Variants in SYTL3 observed in about 807,000 individuals in gnomAD.
SYTL3 encodes the protein synaptotagmin-like protein 3.
A neutral mutation model predicts 82.1 loss-of-function variants in SYTL3; 88 were observed. The ratio of observed to expected loss-of-function variants is 1.07; its 90% CI spans 0.90 to 1.28. The LOEUF is 1.28. Ranked by LOEUF, SYTL3 falls within the 50% of genes most tolerant of loss-of-function variation. The pLI, the probability that SYTL3 is intolerant of heterozygous loss-of-function variation, is 0.00. For synonymous variants in SYTL3, 311 were observed against 289.4 expected (o/e 1.07, Z -0.76); for missense variants, 831 against 757.6 (o/e 1.10, Z -1.14).
At chr6:158,752,074 C>A (rs746925037) in intron 13 of SYTL3, 44 bp downstream of exon 13, 3 of 1,440,886 alleles carry the variant, frequency 2.1e-6, no homozygotes, top group South Asian at 2.8e-5. Flanking sequence ...CTCCCGAGCC[C>A]GGGTGGAGCG....
intron 2 of SYTL3, among the ~76,000 whole-genome samples, chr6:158,652,895 G>C (rs1009111135): frequency 1.3e-5 from 2 of 152,186 alleles, no homozygotes; most frequent in African/African-American, 4.8e-5. Flanking sequence ...TGTACAACTT[G>C]TGGAGACTTT....
intron 11 of SYTL3, among the ~76,000 whole-genome samples, chr6:158,744,250 C>A (rs1250830788): frequency 6.7e-6 from 1 of 149,746 alleles, no homozygotes; most frequent in Non-Finnish European, 1.5e-5. Context: ...TTTTATCTTT[C>A]CCTTGTGGTT....
intron 12 of SYTL3, among the ~76,000 whole-genome samples, chr6:158,748,240 G>T (rs1787920759): frequency 6.6e-6 from 1 of 152,098 alleles, no homozygotes; most frequent in South Asian, 2.1e-4. Flanking sequence ...GATGGGAAAA[G>T]AAATCAATTG....
intron 9 of SYTL3, among the ~76,000 whole-genome samples, chr6:158,715,745 C>A (rs866476733): frequency 5.3e-5 from 8 of 151,676 alleles, no homozygotes; most frequent in African/African-American, 1.9e-4. Flanking sequence ...AGTGCTTCCC[C>A]TGTTTCTGCA....
chr6:158,760,798 T>G, intron 15 of SYTL3, 53 bp downstream of exon 15: 5 of 1,419,328 alleles, frequency 3.5e-6, no homozygotes, highest in Non-Finnish European at 5.0e-6. Flanking sequence ...CTGCAGAGCC[T>G]GGTGCTGCAG....
intron 5 of SYTL3, among the ~76,000 whole-genome samples, chr6:158,678,952 C>T (rs1778356096): frequency 6.6e-6 from 1 of 152,174 alleles, no homozygotes; most frequent in African/African-American, 2.4e-5. Context: ...GGAAGAAGTG[C>T]TAGATGCTTT....
chr6:158,703,812 A>ATATTATTATTATTATTATTATTAT (rs531980948), intron 6 of SYTL3, among the ~76,000 whole-genome samples: 3 of 122,642 alleles, frequency 2.4e-5, no homozygotes, highest in East Asian at 2.3e-4. Context: ...AGTGGGTTTT[A>ATATTATTATTATTATTATTATTAT]TATTATTATC....
At chr6:158,713,650 C>CCCATGCACCATGGGCA in intron 8 of SYTL3, 150 bp from the exon 9 acceptor site, 1 of 659,490 alleles carries the variant, frequency 1.5e-6, no homozygotes, top group South Asian at 1.7e-5. Context: ...CATGCACACA[C>CCCATGCACCATGGGCA]CCATGCCCAC....
chr6:158,708,008 G>A (rs1782298820), intron 7 of SYTL3, among the ~76,000 whole-genome samples: 1 of 152,186 alleles, frequency 6.6e-6, no homozygotes, highest in African/African-American at 2.4e-5. Flanking sequence ...GCGCAGATGG[G>A]AACCAGGGGT....
At chr6:158,719,770 A>G (rs1783852263) in intron 10 of SYTL3, among the ~76,000 whole-genome samples, 1 of 152,168 alleles carries the variant, frequency 6.6e-6, no homozygotes, top group South Asian at 2.1e-4. Flanking sequence ...TCTCACAAAA[A>G]TACCGTGGTA....
intron 6 of SYTL3, among the ~76,000 whole-genome samples, chr6:158,684,243 T>A (rs529082112): frequency 1.3e-5 from 2 of 152,368 alleles, no homozygotes; most frequent in South Asian, 4.1e-4. Context: ...AGCAAGTGGC[T>A]TTGAAATGAT....
chr6:158,702,941 T>G (rs535443712), intron 6 of SYTL3, among the ~76,000 whole-genome samples: 2 of 151,940 alleles, frequency 1.3e-5, no homozygotes, highest in African/African-American at 4.8e-5. Flanking sequence ...AATCACAAGG[T>G]CAGGAGATCG....
At chr6:158,685,483 C>T (rs1779197049) in intron 6 of SYTL3, among the ~76,000 whole-genome samples, 1 of 151,264 alleles carries the variant, frequency 6.6e-6, no homozygotes, top group Admixed American at 6.6e-5. Context: ...GCTGGGATTA[C>T]AGGTATGAGG....
intron 13 of SYTL3, among the ~76,000 whole-genome samples, chr6:158,754,714 C>T (rs575333796): frequency 2.6e-5 from 4 of 152,278 alleles, no homozygotes; most frequent in East Asian, 1.9e-4. Flanking sequence ...AGCGAGACTC[C>T]GTCTCAACAA....
chr6:158,676,330 G>T (rs1023600302), intron 5 of SYTL3, among the ~76,000 whole-genome samples: 43 of 152,172 alleles, frequency 2.8e-4, no homozygotes, highest in African/African-American at 7.7e-4. Context: ...AATAAATGGT[G>T]CTGGGAAAAC....
At position 158,757,400 on chromosome 6, in the gene SYTL3, C is replaced by G; in HGVS notation, c.1308+19C>G. ...GGCCAAGGTGATGTCTGGTTTTGGACTGAGTGCCCTCCATCCCCACTGTGA... is the reference window on the plus strand; with the variant it reads ...GGCCAAGGTGATGTCTGGTTTTGGAGTGAGTGCCCTCCATCCCCACTGTGA... On this transcript the variant is annotated intron_variant, in intron 14 of 17. Transcript: ENST00000611299. 1 of 1,612,014 alleles carries G rather than the reference C, an allele frequency of 6.2e-7. No homozygotes were observed. The highest frequency in any genetic ancestry group is 8.5e-7 in the Non-Finnish European group (1 of 1,178,844).
At chr6:158,682,799 G>T in intron 5 of SYTL3, 126 bp from the exon 6 acceptor site, 3 of 668,608 alleles carry the variant, frequency 4.5e-6, no homozygotes, top group Non-Finnish European at 7.9e-6. Context: ...TTTAAGCCAG[G>T]AAATTGATTG....
chr6:158,752,391 C>T (rs1788509605), intron 13 of SYTL3, among the ~76,000 whole-genome samples: 1 of 152,204 alleles, frequency 6.6e-6, no homozygotes, highest in African/African-American at 2.4e-5. Context: ...TGCTCTCAGA[C>T]AGAGTGCCCT....
chr6:158,717,871 G>A (rs1004449932), intron 9 of SYTL3, among the ~76,000 whole-genome samples: 1 of 152,192 alleles, frequency 6.6e-6, no homozygotes, highest in Non-Finnish European at 1.5e-5. Flanking sequence ...AAGGAAGCCA[G>A]CCCTCTCCTG....
Sources: gnomAD v4.1 joint callset for allele counts (sites outside exome capture counted in the v4.1 genomes callset) on GRCh38, gnomAD v4.1.1 for gene constraint, MANE v1.5 for transcripts, NCBI Gene and HGNC (gene_info 2026-07-23, HGNC 2026-07-21) for gene names.